STARD13: variants seen among roughly 807,000 people sequenced by gnomAD.
STARD13 encodes stAR-related lipid transfer protein 13.
Under a neutral mutation model 106.4 loss-of-function variants are expected in STARD13, and 62 were observed. That is an observed-to-expected ratio of 0.58 (90% CI 0.48 to 0.72). The LOEUF is 0.72. Ranked by LOEUF, STARD13 falls within the 30% of genes least tolerant of loss-of-function variation. The pLI is 0.00. For synonymous variants in STARD13, 565 were observed against 553.0 expected (o/e 1.02, Z -0.31); for missense variants, 1,387 against 1,424.0 (o/e 0.97, Z 0.42).
At chr13:33,280,669 G>A (rs891551199) in intron 1 of STARD13, 2 of 152,076 alleles carry the variant, frequency 1.3e-5, no homozygotes, top group Admixed American at 6.6e-5. Flanking sequence ...CTATTACATC[G>A]ATATTAATGA....
rs572962145 is a variant in STARD13, at chr13:33,126,336, G to T, written c.1923-96C>A. On this transcript the variant is annotated intron_variant, in intron 6 of 13. Coordinates refer to ENST00000336934, the MANE Select transcript of STARD13 (RefSeq NM_178006.4). ...CATGAGGGAAGCCAGGCTTTTGTTG[G>T]AATACCCAACAGATGCGGGGTGAAT... is the stretch of plus-strand genomic sequence containing the variant. The T allele has an allele frequency of 5.0e-6, 6 of 1,211,180 alleles. No individual in the cohort carries two copies. The African/African-American group carries it at 9.0e-5, about 18-fold the overall frequency. The allele number at this position is 1,211,180 out of a possible 1,614,324, so 75.0% of individuals were successfully genotyped here.
At chr13:33,439,295 A>T in the STARD13 span, among the ~76,000 whole-genome samples, 4 of 152,192 alleles carry the variant, frequency 2.6e-5, no homozygotes, top group African/African-American at 9.6e-5. Flanking sequence ...CAAATAAACC[A>T]CTACCCTCAT....
the STARD13 span, among the ~76,000 whole-genome samples, chr13:33,479,141 C>T: frequency 3.9e-5 from 6 of 152,214 alleles, no homozygotes; most frequent in East Asian, 3.9e-4. Flanking sequence ...AAAGATTATC[C>T]GTCTTGCTCA....
chr13:33,349,794 CG>C (rs1374645577), intron 1 of STARD13, among the ~76,000 whole-genome samples: 2 of 152,234 alleles, frequency 1.3e-5, no homozygotes, highest in African/African-American at 4.8e-5. Flanking sequence ...CCTCTACCCC[CG>C]AGTGGCTGGT....
At chr13:33,579,318 A>G in the STARD13 span, among the ~76,000 whole-genome samples, 1 of 152,098 alleles carries the variant, frequency 6.6e-6, no homozygotes. Flanking sequence ...CTCAGCCACA[A>G]AATAACAAAA....
At chr13:33,534,116 C>T in the STARD13 span, among the ~76,000 whole-genome samples, 1 of 152,144 alleles carries the variant, frequency 6.6e-6, no homozygotes, top group Non-Finnish European at 1.5e-5. Context: ...CAAGGAAAGC[C>T]TACTAGCAAC....
chr13:33,185,497 A>T (rs2138475162), intron 1 of STARD13, among the ~76,000 whole-genome samples: 1 of 152,214 alleles, frequency 6.6e-6, no homozygotes, highest in East Asian at 1.9e-4. Context: ...TCCAAAGAAA[A>T]ATCCAAATTT....
chr13:33,652,359 G>A, the STARD13 span, among the ~76,000 whole-genome samples: 1 of 152,186 alleles, frequency 6.6e-6, no homozygotes, highest in Admixed American at 6.5e-5. Context: ...AAATTTTGGT[G>A]AAGACGAATT....
intron 1 of STARD13, chr13:33,185,854 A>C: frequency 6.2e-7 from 1 of 1,613,102 alleles, no homozygotes. Flanking sequence ...TTGTACCCAC[A>C]TGCCCTTCTG....
chr13:33,468,385 C>A, the STARD13 span, among the ~76,000 whole-genome samples: 1 of 152,116 alleles, frequency 6.6e-6, no homozygotes, highest in African/African-American at 2.4e-5. Flanking sequence ...ATGTGTCCCC[C>A]AAGGTTCATG....
chr13:33,544,484 A>G, the STARD13 span, among the ~76,000 whole-genome samples: 1 of 152,214 alleles, frequency 6.6e-6, no homozygotes, highest in Non-Finnish European at 1.5e-5. Context: ...ATATTGTTAG[A>G]TAAGTTTATG....
chr13:33,664,917 C>T, the STARD13 span, among the ~76,000 whole-genome samples: 7 of 152,356 alleles, frequency 4.6e-5, 1 homozygote, highest in East Asian at 5.8e-4. Flanking sequence ...TGAGCCACTA[C>T]GCCCGGCCAA....
chr13:33,648,946 C>T, the STARD13 span, among the ~76,000 whole-genome samples: 2 of 151,804 alleles, frequency 1.3e-5, no homozygotes, highest in African/African-American at 4.8e-5. Flanking sequence ...GCATGCATCA[C>T]CATGCCCAGC....
the STARD13 span, among the ~76,000 whole-genome samples, chr13:33,650,920 A>C: frequency 6.6e-6 from 1 of 152,254 alleles, no homozygotes; most frequent in Non-Finnish European, 1.5e-5. Flanking sequence ...GGCCCTCGCC[A>C]GACACTGATC....
chr13:33,265,428 A>G (rs1219216674), intron 1 of STARD13, among the ~76,000 whole-genome samples: 1 of 152,200 alleles, frequency 6.6e-6, no homozygotes, highest in Non-Finnish European at 1.5e-5. Context: ...CTATAGGGAC[A>G]TTTGTTTATT....
the STARD13 span, among the ~76,000 whole-genome samples, chr13:33,412,019 G>A: frequency 1.3e-5 from 2 of 152,190 alleles, no homozygotes; most frequent in African/African-American, 4.8e-5. Context: ...GGAAAATCAT[G>A]TTAACCAAAA....
At chr13:33,604,774 G>A in the STARD13 span, among the ~76,000 whole-genome samples, 6 of 151,102 alleles carry the variant, frequency 4.0e-5, no homozygotes, top group African/African-American at 9.7e-5. Flanking sequence ...ACTCCAGCCC[G>A]AGGGACAGAG....
intron 7 of STARD13, among the ~76,000 whole-genome samples, chr13:33,123,875 G>A (rs1876745530): frequency 6.6e-6 from 1 of 152,232 alleles, no homozygotes; most frequent in African/African-American, 2.4e-5. Context: ...TCGGGGCAAT[G>A]CCTTGGGAGA....
At chr13:33,291,617 AAGTAT>A (rs1297466337) in intron 1 of STARD13, among the ~76,000 whole-genome samples, 3 of 152,174 alleles carry the variant, frequency 2.0e-5, no homozygotes, top group African/African-American at 7.2e-5. Context: ...ACAGGGCAGT[AAGTAT>A]AGTAGATACA....
Sources: allele counts gnomAD v4.1 joint callset (sites outside exome capture counted in the v4.1 genomes callset), GRCh38; gene constraint gnomAD v4.1.1; transcripts MANE v1.5; gene names NCBI Gene and HGNC (gene_info 2026-07-23, HGNC 2026-07-21).